The following C1QTNF2 variants were observed in gnomAD, a reference collection of about 807,000 sequenced individuals.
C1QTNF2 encodes complement C1q tumor necrosis factor-related protein 2.
In C1QTNF2, 15 loss-of-function variants were observed where a neutral mutation model predicts 17.4. That is an observed-to-expected ratio of 0.86 (90% CI 0.58 to 1.33). The LOEUF is 1.33. Among genes scored for constraint, C1QTNF2 ranks in the 40% most tolerant of loss-of-function variants. The pLI, the probability that C1QTNF2 is intolerant of heterozygous loss-of-function variation, is 0.00. For synonymous variants in C1QTNF2, 154 were observed against 163.3 expected (o/e 0.94, Z 0.44); for missense variants, 381 against 392.3 (o/e 0.97, Z 0.24).
At chr5:160,357,094 G>C (rs570677583) in intron 1 of C1QTNF2, among the ~76,000 whole-genome samples, 1 of 152,276 alleles carries the variant, frequency 6.6e-6, no homozygotes, top group South Asian at 2.1e-4. Context: ...GTCTAGGCCC[G>C]CCCCAGTCGT....
In C1QTNF2 at chr5:160,349,386, G is replaced by A; in HGVS notation, c.640C>T (p.His214Tyr). 1 of 1,614,082 alleles carries A rather than the reference G, an allele frequency of 6.2e-7. No individual in the cohort carries two copies. Among genetic ancestry groups the A allele is most frequent in the East Asian group, 2.2e-5 (1 of 44,882 alleles). Reference sequence around the variant, plus strand: ...GTCCGGATGCGGTACTGGCCGTTGTGCACCAGGCCGATGGCCAGGTGCTTG... The same window carrying A: ...GTCCGGATGCGGTACTGGCCGTTGTACACCAGGCCGATGGCCAGGTGCTTG... ...ANKHLAIGLVHNGQYRIRTFD... is the reference protein window; with the variant it reads ...ANKHLAIGLVYNGQYRIRTFD... The change falls in exon 3 of 3, where the codon CAC becomes TAC. Residue 214 changes from histidine to tyrosine, a missense_variant. Coordinates refer to ENST00000652664, the MANE Select transcript of C1QTNF2 (RefSeq NM_031908.6). This position sits in a 1 kb window ranked among gnomAD's most constrained non-coding sequence, Gnocchi z 4.3.
intron 2 of C1QTNF2, 76 bp downstream of exon 2, chr5:160,354,692 T>A (rs557548612): frequency 3.2e-6 from 5 of 1,547,678 alleles, no homozygotes; most frequent in East Asian, 4.5e-5. Flanking sequence ...CTAGTTTTAT[T>A]AACTTCATGA....
At chr5:160,360,166 C>T (rs1164210863) in intron 1 of C1QTNF2, among the ~76,000 whole-genome samples, 1 of 152,220 alleles carries the variant, frequency 6.6e-6, no homozygotes, top group African/African-American at 2.4e-5. Context: ...TCTTTTCCAG[C>T]ACTTGAAACC....
chr5:160,348,777 C>T lies in C1QTNF2; in HGVS notation c.*391G>A, dbSNP rs1763849173. The stretch of plus-strand genomic sequence containing the variant: ...ACAAATTTCCACCTCTTCCCTGTCT[C>T]CTGTTATTCCTATTACTGTCAACCA... On this transcript the variant is annotated 3_prime_UTR_variant, in exon 3 of 3. Coordinates refer to ENST00000652664, the MANE Select transcript of C1QTNF2 (RefSeq NM_031908.6). 1 of 168,374 alleles carries T rather than the reference C, an allele frequency of 5.9e-6. No homozygotes were observed. The allele number at this position is 168,374 out of a possible 1,614,324, so 10.4% of individuals were successfully genotyped here.
intron 1 of C1QTNF2, among the ~76,000 whole-genome samples, chr5:160,366,241 A>G (rs2113536392): frequency 6.6e-6 from 1 of 152,312 alleles, no homozygotes; most frequent in East Asian, 1.9e-4. Flanking sequence ...TTTTAATGAT[A>G]CCAGTTTTGA....
intron 1 of C1QTNF2, among the ~76,000 whole-genome samples, chr5:160,364,559 A>G (rs1764213029): frequency 6.6e-6 from 1 of 152,212 alleles, no homozygotes; most frequent in Admixed American, 6.5e-5. Flanking sequence ...TTAAAATTGT[A>G]ATTGCCACTA....
At chr5:160,359,976 C>T (rs1478767936) in intron 1 of C1QTNF2, among the ~76,000 whole-genome samples, 1 of 151,698 alleles carries the variant, frequency 6.6e-6, no homozygotes, top group Admixed American at 6.6e-5. Context: ...CTAGGCCAAG[C>T]TCCATTCAGC....
At chr5:160,370,403 G>T in intron 1 of C1QTNF2, 109 bp downstream of exon 1, 2 of 1,321,518 alleles carry the variant, frequency 1.5e-6, no homozygotes, top group Non-Finnish European at 1.9e-6. Context: ...CGCGCTGGCA[G>T]CTCTCCCACC....
At chr5:160,362,593 G>T (rs1764174426) in intron 1 of C1QTNF2, among the ~76,000 whole-genome samples, 2 of 152,122 alleles carry the variant, frequency 1.3e-5, no homozygotes, top group South Asian at 2.1e-4. Context: ...CTGGACACTG[G>T]CTGGGGTCGA....
intron 1 of C1QTNF2, 100 bp downstream of exon 1, chr5:160,370,412 C>A: frequency 2.2e-6 from 3 of 1,344,578 alleles, no homozygotes; most frequent in Non-Finnish European, 2.9e-6. Flanking sequence ...AGCTCTCCCA[C>A]CTTCCGCATC....
chr5:160,365,307 A>G (rs986926240), intron 1 of C1QTNF2, among the ~76,000 whole-genome samples: 1 of 152,208 alleles, frequency 6.6e-6, no homozygotes, highest in Non-Finnish European at 1.5e-5. Context: ...TGAACTTTGA[A>G]GGGGACAGGG....
chr5:160,355,986 C>T (rs987482381), intron 1 of C1QTNF2, among the ~76,000 whole-genome samples: 9 of 152,130 alleles, frequency 5.9e-5, no homozygotes, highest in African/African-American at 2.2e-4. Flanking sequence ...GAGCCTGTGC[C>T]CTCCTGTCCC....
chr5:160,351,979 T>C (rs1048020892), intron 2 of C1QTNF2, among the ~76,000 whole-genome samples: 1 of 151,392 alleles, frequency 6.6e-6, no homozygotes, highest in Non-Finnish European at 1.5e-5. Context: ...GGCGCGATCA[T>C]AGCTCACTGT....
In C1QTNF2 at chr5:160,349,712, GC is replaced by G. The variant is rs1561820733; in HGVS notation, c.313del (p.Ala105LeufsTer52). On this transcript the variant is annotated frameshift_variant, in exon 3 of 3. Transcript: ENST00000652664. LOFTEE classifies it high-confidence loss of function. This position sits in a 1 kb window ranked among gnomAD's most constrained non-coding sequence, Gnocchi z 4.3. ...PKGKAGAIGR[A>X]GPRGPKGVNG... ...GACCCCCTTGGGGCCACGGGGGCCAGCCCGCCCAATGGCCCCGGCTTTGCCC... is the reference window on the plus strand; with the variant it reads ...GACCCCCTTGGGGCCACGGGGGCCAGCCGCCCAATGGCCCCGGCTTTGCCC... The G allele has an allele frequency of 6.3e-7, 1 of 1,579,628 alleles. No individual in the cohort carries two copies.
chr5:160,354,605 T>A (rs1345672412), intron 2 of C1QTNF2, among the ~76,000 whole-genome samples, 163 bp downstream of exon 2: 52 of 29,592 alleles, frequency 1.8e-3, no homozygotes, highest in African/African-American at 4.3e-3. Context: ...AAAGTATATA[T>A]ATATATATAT....
chr5:160,353,792 T>G (rs1763973938), intron 2 of C1QTNF2, among the ~76,000 whole-genome samples: 2 of 20,672 alleles, frequency 9.7e-5, no homozygotes, highest in Non-Finnish European at 2.4e-4. Context: ...CTCAGGCTTT[T>G]TTTTTTTTTT....
At chr5:160,365,957 A>T (rs185617439) in intron 1 of C1QTNF2, among the ~76,000 whole-genome samples, 2,089 of 152,068 alleles carry the variant, frequency 0.014, 54 homozygotes, top group African/African-American at 0.048. Context: ...TTTTTAAAAA[A>T]TTTTTTAATT....
At chr5:160,366,278 C>T (rs947237423) in intron 1 of C1QTNF2, among the ~76,000 whole-genome samples, 1 of 152,138 alleles carries the variant, frequency 6.6e-6, no homozygotes, top group Non-Finnish European at 1.5e-5. Context: ...AGGAATGCCT[C>T]CCTTGAGTAA....
At chr5:160,366,659 C>T (rs1764252579) in intron 1 of C1QTNF2, among the ~76,000 whole-genome samples, 1 of 152,156 alleles carries the variant, frequency 6.6e-6, no homozygotes, top group Non-Finnish European at 1.5e-5. Context: ...TACAGGTGTG[C>T]CCTACTTTAC....
Sources: gnomAD v4.1 joint callset for allele counts (sites outside exome capture counted in the v4.1 genomes callset) on GRCh38, gnomAD v4.1.1 for gene constraint, Gnocchi (gnomAD v3.1) non-coding constraint, MANE v1.5 for transcripts, NCBI Gene and HGNC (gene_info 2026-07-23, HGNC 2026-07-21) for gene names.